MYO3A: variants seen among roughly 807,000 people sequenced by gnomAD.
MYO3A encodes myosin-IIIa.
A neutral mutation model predicts 192.7 loss-of-function variants in MYO3A; 180 were observed. That is an observed-to-expected ratio of 0.93 (90% confidence interval 0.83 to 1.06). The LOEUF (loss-of-function observed/expected upper bound fraction) is 1.06, where lower values mean the gene tolerates loss of function less well. MYO3A is among the 50% of genes least tolerant of loss of function. MYO3A has a pLI of 0.00. For missense variants in MYO3A, 1,896 were observed against 1,905.0 expected, an observed-to-expected ratio of 1.00 and a Z score of 0.09; for synonymous variants, 628 against 645.3, an observed-to-expected ratio of 0.97 and a Z score of 0.41.
chr10:26,025,174 A>G (rs1842484757), intron 9 of MYO3A, among the ~76,000 whole-genome samples: 1 of 152,210 alleles, frequency 6.6e-6, no homozygotes. Context: ...TATTTTTTAG[A>G]CACTGGCATT....
intron 4 of MYO3A, among the ~76,000 whole-genome samples, chr10:25,969,652 A>G (rs2130719546): frequency 6.6e-6 from 1 of 152,322 alleles, no homozygotes; most frequent in Middle Eastern, 3.4e-3. Flanking sequence ...GGAAAATAGG[A>G]AAAGAGAACA....
chr10:26,212,186 T>C lies in MYO3A; in HGVS notation c.*223T>C. ...GGGAAACCTCCCCCGACGCTCTCTC[T>C]CGGAACTCCCGCACCCTCCTTTCTC... On this transcript the variant is annotated 3_prime_UTR_variant, in exon 35 of 35. Coordinates refer to ENST00000642920, the MANE Select transcript of MYO3A (RefSeq NM_017433.5). 1 of 615,268 alleles carries C rather than the reference T, an allele frequency of 1.6e-6. No individual in the cohort carries two copies. Among genetic ancestry groups the C allele is most frequent in the Non-Finnish European group, 2.7e-6 (1 of 368,100 alleles). 38.1% of individuals were successfully genotyped at this position (615,268 alleles called of 1,614,324 possible).
Position 26,081,143 on chromosome 10 carries a change from C to G in MYO3A, c.1360-7060C>G, listed in dbSNP as rs983829163. On this transcript the variant is annotated intron_variant, in intron 14 of 34. Transcript: ENST00000642920. ...AAGATTATATGCCCTTCCCCCCCCC[C>G]CCGCCCCCGCTACCAGGGTGGGTAG... Among the ~76,000 whole-genome samples the G allele has an allele frequency of 2.1e-4, 19 of 90,364 alleles. 1 individual carries two copies. Among genetic ancestry groups the G allele is most frequent in the Non-Finnish European group, 4.5e-4 (16 of 35,514 alleles). 59.3% of individuals were successfully genotyped at this position (90,364 alleles called of 152,430 possible).
At chr10:26,202,790 T>C in intron 33 of MYO3A, 174 bp from the exon 34 acceptor site, 1 of 681,310 alleles carries the variant, frequency 1.5e-6, no homozygotes, top group Non-Finnish European at 2.4e-6. Context: ...GTTTTTCTTT[T>C]TTACTTATGG....
chr10:26,180,619 A>G (rs1282786519), intron 31 of MYO3A, among the ~76,000 whole-genome samples: 2 of 152,184 alleles, frequency 1.3e-5, no homozygotes, highest in Non-Finnish European at 2.9e-5. Flanking sequence ...GATTGATGCT[A>G]GGAATAGAAT....
chr10:25,937,408 T>C (rs1836158915), intron 2 of MYO3A, among the ~76,000 whole-genome samples: 1 of 152,098 alleles, frequency 6.6e-6, no homozygotes, highest in African/African-American at 2.4e-5. Context: ...GCTCACACAA[T>C]AGCTTAACTG....
At chr10:26,138,403 A>T (rs1046445614) in intron 20 of MYO3A, among the ~76,000 whole-genome samples, 1 of 152,180 alleles carries the variant, frequency 6.6e-6, no homozygotes, top group Non-Finnish European at 1.5e-5. Flanking sequence ...TTCCAACTGT[A>T]TTTTTTATTA....
intron 4 of MYO3A, among the ~76,000 whole-genome samples, chr10:25,961,631 G>C (rs1180018188): frequency 2.0e-5 from 3 of 151,976 alleles, no homozygotes; most frequent in African/African-American, 7.3e-5. Context: ...AATTTACAAA[G>C]TGGAGGGAAA....
chr10:26,182,768 T>C (rs971427797), intron 31 of MYO3A, among the ~76,000 whole-genome samples: 5 of 152,224 alleles, frequency 3.3e-5, no homozygotes, highest in African/African-American at 1.2e-4. Flanking sequence ...ATTTTGGTTG[T>C]TTGGCTGTAT....
chr10:26,037,047 C>T (rs995068967), intron 10 of MYO3A, among the ~76,000 whole-genome samples: 1 of 152,168 alleles, frequency 6.6e-6, no homozygotes, highest in African/African-American at 2.4e-5. Flanking sequence ...TTTTGTGACT[C>T]TGTACAAGTT....
chr10:26,182,246 C>G (rs1369193277), intron 31 of MYO3A, among the ~76,000 whole-genome samples: 1 of 152,126 alleles, frequency 6.6e-6, no homozygotes, highest in East Asian at 1.9e-4. Flanking sequence ...TTATTGCAAC[C>G]TGGTAGAGGA....
chr10:25,952,453 G>C (rs1015597806), intron 3 of MYO3A, among the ~76,000 whole-genome samples, 175 bp downstream of exon 3: 1 of 152,112 alleles, frequency 6.6e-6, no homozygotes, highest in Non-Finnish European at 1.5e-5. Context: ...TCTGTGCTTA[G>C]TATATGTAAT....
rs7895734 is a variant in MYO3A at position 26,130,783 on chromosome 10, G to A, written c.2262+2245G>A. ...TCAATGACTCTCTTGATTTTAACACGTGAGTGTACTTGTTTTTTCTTTCTA... is the reference window on the plus strand; with the variant it reads ...TCAATGACTCTCTTGATTTTAACACATGAGTGTACTTGTTTTTTCTTTCTA... On this transcript the variant is annotated intron_variant, in intron 20 of 34. Transcript: ENST00000642920. 1.3e-4 allele frequency among the ~76,000 whole-genome samples: 20 copies of A among 152,078 alleles called. No individual in the cohort carries two copies. In the South Asian group the frequency reaches 3.3e-3, roughly 25 times the overall value.
intron 17 of MYO3A, among the ~76,000 whole-genome samples, chr10:26,117,283 A>G (rs1838567860): frequency 6.6e-6 from 1 of 152,138 alleles, no homozygotes; most frequent in African/African-American, 2.4e-5. Flanking sequence ...TATACTCATT[A>G]TATCGGTAAC....
chr10:25,954,187 A>G (rs1195636987), intron 3 of MYO3A, among the ~76,000 whole-genome samples: 1 of 152,118 alleles, frequency 6.6e-6, no homozygotes, highest in Non-Finnish European at 1.5e-5. Context: ...ATAAAACAAC[A>G]TAGGCATTAA....
At chr10:26,078,122 G>T (rs1180301584) in intron 14 of MYO3A, among the ~76,000 whole-genome samples, 3 of 115,848 alleles carry the variant, frequency 2.6e-5, no homozygotes, top group Admixed American at 8.1e-5. Context: ...AATCCATCTG[G>T]TCCTGGACTT....
At chr10:26,003,545 G>A (rs6482527) in intron 6 of MYO3A, among the ~76,000 whole-genome samples, 14,279 of 152,118 alleles carry the variant, frequency 0.094, 1,174 homozygotes, top group African/African-American at 0.21. Context: ...ACCTCAGAGA[G>A]CAAAATGACA....
intron 1 of MYO3A, among the ~76,000 whole-genome samples, chr10:25,935,062 G>A (rs1835960340): frequency 6.6e-6 from 1 of 152,094 alleles, no homozygotes; most frequent in Non-Finnish European, 1.5e-5. Context: ...GGTGGCGCTG[G>A]GTCGGCCCGT....
chr10:25,951,900 G>A (rs548066341), intron 2 of MYO3A, among the ~76,000 whole-genome samples, 194 bp from the exon 3 acceptor site: 2 of 152,226 alleles, frequency 1.3e-5, no homozygotes, highest in South Asian at 2.1e-4. Flanking sequence ...TGCTTACAAA[G>A]CATTATTAAA....
Sources: allele counts gnomAD v4.1 joint callset (sites outside exome capture counted in the v4.1 genomes callset), GRCh38; gene constraint gnomAD v4.1.1; transcripts MANE v1.5; gene names NCBI Gene and HGNC (gene_info 2026-07-23, HGNC 2026-07-21).